Variants in CAMK2D observed in about 807,000 individuals in gnomAD.
CAMK2D encodes the protein calcium/calmodulin-dependent protein kinase type II subunit delta.
In CAMK2D, 37 loss-of-function variants were observed where a neutral mutation model predicts 84.0. The ratio of observed to expected loss-of-function variants is 0.44; its 90% CI spans 0.34 to 0.58. The LOEUF is 0.58. Among genes scored for constraint, CAMK2D ranks in the 20% least tolerant of loss-of-function variants. CAMK2D has a pLI of 0.02. For missense variants in CAMK2D, 448 were observed against 652.5 expected (o/e 0.69, Z 3.41); for synonymous variants, 202 against 212.5 (o/e 0.95, Z 0.43).
chr4:113,577,249 GA>G, intron 4 of CAMK2D, among the ~76,000 whole-genome samples: 1 of 152,188 alleles, frequency 6.6e-6, no homozygotes, highest in Non-Finnish European at 1.5e-5. Context: ...ACATCTCTCA[GA>G]TTCATGTTCT....
At chr4:113,479,866 C>T (rs1227946803) in intron 16 of CAMK2D, among the ~76,000 whole-genome samples, 4 of 152,272 alleles carry the variant, frequency 2.6e-5, no homozygotes, top group South Asian at 4.1e-4. Context: ...TATCACTATT[C>T]AACATGAGTA....
chr4:113,502,964 G>T lies in CAMK2D; in HGVS notation c.1058C>A (p.Thr353Asn). ...IPTPALEPQT[T>N]VIHNPDGNKE... ...GTTTCCATCAGGGTTGTGGATTACA[G>T]TAGTTTGGGGCTCCTGAGTGAGAAC... The change falls in exon 15 of 21, where the codon ACT (threonine) becomes AAT (asparagine). Residue 353 changes from threonine (T) to asparagine (N), a missense_variant. By Grantham distance (65) the Thr-to-Asn change is moderately conservative. Transcript: ENST00000511664. 6.2e-7 allele frequency: 1 copy of T among 1,607,662 alleles called. No homozygotes were observed. The highest frequency in any genetic ancestry group is 8.5e-7 in the Non-Finnish European group (1 of 1,174,234).
chr4:113,529,524 A>G (rs2098444231), intron 8 of CAMK2D, among the ~76,000 whole-genome samples: 1 of 152,212 alleles, frequency 6.6e-6, no homozygotes, highest in Non-Finnish European at 1.5e-5. Flanking sequence ...GCTGGTAGCA[A>G]TGACATAGTA....
At chr4:113,598,168 T>C (rs1017093338) in intron 4 of CAMK2D, among the ~76,000 whole-genome samples, 1 of 152,188 alleles carries the variant, frequency 6.6e-6, no homozygotes, top group African/African-American at 2.4e-5. Context: ...CACTGTGCTA[T>C]TGGCAAAAGA....
At chr4:113,666,827 T>C (rs950511883) in intron 2 of CAMK2D, among the ~76,000 whole-genome samples, 67 of 152,324 alleles carry the variant, frequency 4.4e-4, no homozygotes, top group African/African-American at 1.6e-3. Flanking sequence ...CTTGCTGGCC[T>C]TTCGGCTTGT....
At chr4:113,709,927 GGCAAACCT>G (rs1317667817) in intron 2 of CAMK2D, among the ~76,000 whole-genome samples, 7 of 150,506 alleles carry the variant, frequency 4.7e-5, no homozygotes, top group Non-Finnish European at 7.4e-5. Context: ...TGGTGGGACT[GGCAAACCT>G]GCACTTTTAT....
At chr4:113,735,172 C>T (rs1488173151) in intron 2 of CAMK2D, among the ~76,000 whole-genome samples, 1 of 151,398 alleles carries the variant, frequency 6.6e-6, no homozygotes, top group Non-Finnish European at 1.5e-5. Flanking sequence ...CTTGTACAGG[C>T]AAGGTGTGGT....
In CAMK2D at chr4:113,743,549, TC is replaced by T. The variant is rs2099597605; in HGVS notation, c.160+15770del. ...CTTCTCAGCAGAACTATAACTGCCC[TC>T]TTCTCCACCTCAAAACCTTTCGGTA... On this transcript the variant is annotated intron_variant, in intron 2 of 20. Transcript: ENST00000511664. Among the ~76,000 whole-genome samples, 3 of 152,172 alleles carry T rather than the reference TC, an allele frequency of 2.0e-5. No individual in the cohort carries two copies. The South Asian group carries it at 6.2e-4, about 32-fold the overall frequency.
chr4:113,655,463 C>T (rs900121188), intron 3 of CAMK2D, among the ~76,000 whole-genome samples: 1 of 152,026 alleles, frequency 6.6e-6, no homozygotes, highest in Admixed American at 6.6e-5. Context: ...CAAAAGGTTA[C>T]ATAGCTCTTC....
rs1383723063 is a variant in CAMK2D, at chr4:113,479,737, C to T, written c.1136-14133G>A. On this transcript the variant is annotated intron_variant, in intron 16 of 20. Coordinates refer to ENST00000511664, the MANE Select transcript of CAMK2D (RefSeq NM_001321571.2). ...GGTCTTAACATTTATACCTACTTAT[C>T]TAAAATAAATGTTTCAGAAAATAGA... is the stretch of plus-strand genomic sequence containing the variant. Among the ~76,000 whole-genome samples the T allele has an allele frequency of 2.6e-5, 4 of 152,102 alleles. No homozygotes were observed. In the East Asian group the frequency reaches 5.8e-4, roughly 22 times the overall value.
chr4:113,630,824 C>T (rs1483901233), intron 3 of CAMK2D, among the ~76,000 whole-genome samples: 1 of 152,142 alleles, frequency 6.6e-6, no homozygotes. Flanking sequence ...CATGCCTGCA[C>T]ACTGGCTGCA....
chr4:113,619,097 C>T (rs2099034106), intron 3 of CAMK2D, among the ~76,000 whole-genome samples: 2 of 152,020 alleles, frequency 1.3e-5, no homozygotes, highest in Admixed American at 1.3e-4. Context: ...AAACCTGCTT[C>T]ATCCATGGTC....
chr4:113,507,502 C>T (rs894502243), intron 13 of CAMK2D, among the ~76,000 whole-genome samples: 2 of 151,962 alleles, frequency 1.3e-5, no homozygotes. Context: ...CTCCTGATCT[C>T]AGGTGATCCG....
At chr4:113,619,631 A>G (rs945577037) in intron 3 of CAMK2D, among the ~76,000 whole-genome samples, 1 of 152,110 alleles carries the variant, frequency 6.6e-6, no homozygotes, top group African/African-American at 2.4e-5. Context: ...GCCTGGAATT[A>G]TTTCCCCGAT....
intron 4 of CAMK2D, among the ~76,000 whole-genome samples, chr4:113,572,483 A>AC (rs1452445397): frequency 6.6e-6 from 1 of 152,136 alleles, no homozygotes; most frequent in Admixed American, 6.5e-5. Context: ...ACATGAACAG[A>AC]CACTTCTCAA....
chr4:113,491,423 C>G (rs1430533041), intron 16 of CAMK2D, among the ~76,000 whole-genome samples: 2 of 149,276 alleles, frequency 1.3e-5, no homozygotes, highest in African/African-American at 5.0e-5. Context: ...GTCTTTGGCT[C>G]TGTGTATATG....
chr4:113,516,969 T>G (rs1267272853), intron 9 of CAMK2D, among the ~76,000 whole-genome samples: 1 of 152,008 alleles, frequency 6.6e-6, no homozygotes, highest in Non-Finnish European at 1.5e-5. Flanking sequence ...GATTCTGAAC[T>G]TAATTTATGA....
At chr4:113,697,968 A>G (rs1014011876) in intron 2 of CAMK2D, among the ~76,000 whole-genome samples, 3 of 152,098 alleles carry the variant, frequency 2.0e-5, no homozygotes, top group Admixed American at 2.0e-4. Flanking sequence ...TCCTCAACTT[A>G]TTATAGAGTT....
intron 2 of CAMK2D, among the ~76,000 whole-genome samples, chr4:113,722,491 C>T (rs1315302590): frequency 6.6e-6 from 1 of 151,938 alleles, no homozygotes; most frequent in East Asian, 1.9e-4. Flanking sequence ...CAAAATAATA[C>T]TTATAAAGAC....
Sources: gnomAD v4.1 joint callset for allele counts (sites outside exome capture counted in the v4.1 genomes callset) on GRCh38, gnomAD v4.1.1 for gene constraint, MANE v1.5 for transcripts, NCBI Gene and HGNC (gene_info 2026-07-23, HGNC 2026-07-21) for gene names.